SEMA5A: variants seen among roughly 807,000 people sequenced by gnomAD.
SEMA5A encodes semaphorin-5A.
Under a neutral mutation model 135.5 loss-of-function variants are expected in SEMA5A, and 55 were observed. That is an observed-to-expected ratio of 0.41 (90% CI 0.33 to 0.51). SEMA5A has a LOEUF of 0.51. Among genes scored for constraint, SEMA5A ranks in the 20% least tolerant of loss-of-function variants. SEMA5A has a pLI of 0.37. For synonymous variants in SEMA5A, 580 were observed against 546.5 expected (o/e 1.06, Z -0.85); for missense variants, 1,290 against 1,419.9 (o/e 0.91, Z 1.47).
intron 1 of SEMA5A, among the ~76,000 whole-genome samples, chr5:9,484,330 G>A (rs1006797712): frequency 2.0e-5 from 3 of 152,134 alleles, no homozygotes; most frequent in Non-Finnish European, 4.4e-5. Flanking sequence ...GCCTCCCACA[G>A]TCAGAATAAT....
At chr5:9,264,598 G>A (rs1251957786) in intron 5 of SEMA5A, among the ~76,000 whole-genome samples, 1 of 152,118 alleles carries the variant, frequency 6.6e-6, no homozygotes, top group Admixed American at 6.5e-5. Flanking sequence ...CGGGGTTCCA[G>A]GTTGCTGGGG....
At chr5:9,224,611 GCACCAAATCAC>G in intron 8 of SEMA5A, 52 bp downstream of exon 8, 1 of 1,484,956 alleles carries the variant, frequency 6.7e-7, no homozygotes, top group African/African-American at 1.4e-5. Flanking sequence ...TTGCTTTTGA[GCACCAAATCAC>G]CAGGAATCAA....
chr5:9,510,490 T>C (rs1425738613), intron 1 of SEMA5A, among the ~76,000 whole-genome samples: 7 of 152,220 alleles, frequency 4.6e-5, no homozygotes, highest in African/African-American at 1.7e-4. Context: ...TCAAGTTCTT[T>C]GTAAGAACTC....
intron 5 of SEMA5A, among the ~76,000 whole-genome samples, chr5:9,278,136 C>A (rs969406948): frequency 6.6e-6 from 1 of 151,414 alleles, no homozygotes; most frequent in East Asian, 1.9e-4. Context: ...AAAGAAGTCC[C>A]AGCTGATGAG....
intron 5 of SEMA5A, among the ~76,000 whole-genome samples, chr5:9,300,492 G>A (rs544713175): frequency 2.4e-4 from 37 of 152,282 alleles, no homozygotes; most frequent in African/African-American, 8.7e-4. Flanking sequence ...TAATACAGGA[G>A]TAGCCTTATG....
intron 5 of SEMA5A, among the ~76,000 whole-genome samples, chr5:9,289,572 G>C (rs1750973466): frequency 6.6e-6 from 1 of 152,076 alleles, no homozygotes; most frequent in African/African-American, 2.4e-5. Flanking sequence ...GGCTGAGGCA[G>C]GAGAATCACT....
intron 4 of SEMA5A, among the ~76,000 whole-genome samples, chr5:9,319,319 A>T (rs1045707620): frequency 6.6e-6 from 1 of 152,206 alleles, no homozygotes. Flanking sequence ...GAAACTGATG[A>T]CATCAAGGGC....
chr5:9,510,246 G>C (rs1179951335), intron 1 of SEMA5A, among the ~76,000 whole-genome samples: 1 of 152,072 alleles, frequency 6.6e-6, no homozygotes, highest in African/African-American at 2.4e-5. Flanking sequence ...TTCTACAAAG[G>C]GTCAGTGAGG....
At position 9,503,123 on chromosome 5, in the gene SEMA5A, A is replaced by AAGAG. The variant is rs3842079; in HGVS notation, c.-175+42457_-175+42460dup. Among the ~76,000 whole-genome samples the AAGAG allele has an allele frequency of 6.3e-4, 95 of 150,860 alleles. 1 individual carries two copies. The Middle Eastern group carries it at 0.014, about 22-fold the overall frequency. On this transcript the variant is annotated intron_variant, in intron 1 of 22. Coordinates refer to ENST00000382496, the MANE Select transcript of SEMA5A (RefSeq NM_003966.3). ...TTCTCCAGTATTGAAAATAGCATAA[A>AAGAG]AGAGAGAGAGAGAGAGAGACAGAAT...
At chr5:9,501,948 G>A (rs1205273008) in intron 1 of SEMA5A, among the ~76,000 whole-genome samples, 1 of 152,086 alleles carries the variant, frequency 6.6e-6, no homozygotes, top group Non-Finnish European at 1.5e-5. Context: ...TTTCTAGATT[G>A]TTCTACTGTA....
intron 18 of SEMA5A, among the ~76,000 whole-genome samples, chr5:9,057,670 T>C (rs987891381): frequency 2.0e-5 from 3 of 152,222 alleles, no homozygotes; most frequent in Admixed American, 6.5e-5. Context: ...GATCACACTC[T>C]ACCTCTACCA....
chr5:9,097,952 A>T (rs1464418930), intron 16 of SEMA5A, among the ~76,000 whole-genome samples: 1 of 152,164 alleles, frequency 6.6e-6, no homozygotes, highest in Non-Finnish European at 1.5e-5. Context: ...ATCTCTTTTT[A>T]AAAAATAAGG....
chr5:9,370,380 G>A (rs927333632), intron 3 of SEMA5A, among the ~76,000 whole-genome samples: 1 of 152,154 alleles, frequency 6.6e-6, no homozygotes, highest in Non-Finnish European at 1.5e-5. Flanking sequence ...TTACACTGGG[G>A]ATTAGAGGAA....
intron 11 of SEMA5A, among the ~76,000 whole-genome samples, chr5:9,173,695 G>T (rs1744052450): frequency 6.6e-6 from 1 of 152,068 alleles, no homozygotes; most frequent in African/African-American, 2.4e-5. Context: ...CAATCTGGAG[G>T]GACACAGGCA....
At chr5:9,286,797 G>A (rs1163844206) in intron 5 of SEMA5A, among the ~76,000 whole-genome samples, 1 of 151,874 alleles carries the variant, frequency 6.6e-6, no homozygotes, top group African/African-American at 2.4e-5. Flanking sequence ...ATTCATCTTG[G>A]CAAATACCCA....
At chr5:9,058,293 G>A (rs559093814) in intron 18 of SEMA5A, among the ~76,000 whole-genome samples, 1 of 152,324 alleles carries the variant, frequency 6.6e-6, no homozygotes, top group Non-Finnish European at 1.5e-5. Context: ...GGGCAAGTGA[G>A]TGGGAAGCTG....
intron 2 of SEMA5A, among the ~76,000 whole-genome samples, chr5:9,436,876 T>A (rs749071287): frequency 1.3e-5 from 2 of 152,192 alleles, no homozygotes. Context: ...GAAAGGCTCC[T>A]GTGAAGCCAG....
intron 1 of SEMA5A, among the ~76,000 whole-genome samples, chr5:9,507,970 T>C (rs432055): frequency 0.97 from 146,815 of 151,036 alleles, 71,604 homozygotes; most frequent in Non-Finnish European, 1. Context: ...CGCCACTGCA[T>C]TCCAGCCTGG....
At position 9,508,556 on chromosome 5, in the gene SEMA5A, T is replaced by C. The variant is rs147740519; in HGVS notation, c.-175+37028A>G. 3.3e-3 allele frequency among the ~76,000 whole-genome samples: 502 copies of C among 152,298 alleles called. 2 individuals carry two copies. The South Asian group carries it at 0.042, about 13-fold the overall frequency. ...TCAGTCCTTTGGCTGCTGCAAACTT[T>C]CTTAAATCACACTCCTTTCAACATG... On this transcript the variant is annotated intron_variant, in intron 1 of 22. Transcript: ENST00000382496.
Sources: gnomAD v4.1 joint callset for allele counts (sites outside exome capture counted in the v4.1 genomes callset) on GRCh38, gnomAD v4.1.1 for gene constraint, MANE v1.5 for transcripts, NCBI Gene and HGNC (gene_info 2026-07-23, HGNC 2026-07-21) for gene names.